KIF26B: variants seen among roughly 807,000 people sequenced by gnomAD.
The protein encoded by KIF26B is kinesin family member 26B.
In KIF26B, 63 loss-of-function variants were observed where a neutral mutation model predicts 151.2. The ratio of observed to expected loss-of-function variants is 0.42; its 90% confidence interval spans 0.34 to 0.51. The LOEUF is 0.51. KIF26B is among the 20% of genes least tolerant of loss of function. KIF26B has a pLI of 0.07. For synonymous variants in KIF26B, 1,357 were observed against 1,262.1 expected (o/e 1.08, Z -1.59); for missense variants, 2,813 against 2,913.6 (o/e 0.97, Z 0.79).
intron 14 of KIF26B, among the ~76,000 whole-genome samples, chr1:245,700,980 C>T (rs892349373): frequency 6.6e-6 from 1 of 152,222 alleles, no homozygotes; most frequent in African/African-American, 2.4e-5. Context: ...ATTTTATTTT[C>T]AAGAACTGTT....
At position 245,698,819 on chromosome 1, in the gene KIF26B, C is replaced by T. The variant is rs189149592; in HGVS notation, c.6028-68C>T. On this transcript the variant is annotated intron_variant, in intron 13 of 14. Coordinates refer to ENST00000407071, the MANE Select transcript of KIF26B (RefSeq NM_018012.4). This position sits in a 1 kb window ranked among gnomAD's most constrained non-coding sequence, Gnocchi z 4.0. ...GCCTGTTTTCCATCAACGATACTCA[C>T]AGGTGCTCCTGTGGTGTGGGCTGGG... is the stretch of plus-strand genomic sequence containing the variant. 8.5e-5 allele frequency: 131 copies of T among 1,548,638 alleles called. No homozygotes were observed. In the African/African-American group the frequency reaches 1.5e-3, roughly 17 times the overall value.
chr1:245,239,124 T>C lies in KIF26B; in HGVS notation c.465+82441T>C, dbSNP rs1341763342. Among the ~76,000 whole-genome samples, 2 of 152,100 alleles carry C rather than the reference T, an allele frequency of 1.3e-5. No individual in the cohort carries two copies. The highest frequency in any genetic ancestry group is 1.3e-4 in the Admixed American group (2 of 15,260). On this transcript the variant is annotated intron_variant, in intron 2 of 14. Transcript: ENST00000407071. The surrounding 1 kb of genome is among the most constrained non-coding windows in gnomAD (Gnocchi z 4.3). The stretch of plus-strand genomic sequence containing the variant: ...CAGCCCATTCATTTTACTTCCCCTC[T>C]CAGAATGGCCTGTGTAGTGGGAGGC...
In KIF26B at chr1:245,366,838, C is replaced by G. The variant is rs558481289; in HGVS notation, c.470C>G (p.Pro157Arg). The G allele has an allele frequency of 6.2e-7, 1 of 1,613,818 alleles. No individual in the cohort carries two copies. Among genetic ancestry groups the G allele is most frequent in the African/African-American group, 1.3e-5 (1 of 75,038 alleles). ...CTCTGCTTCTGTGTTCTGTAGGACC[C>G]TGCTTTCTCGGCTGTGATTCACGAC... ...LLPGPFPGKDPAFSAVIHDKL... is the reference protein window; with the variant it reads ...LLPGPFPGKDRAFSAVIHDKL... The change falls in exon 3 of 15, where the codon CCT becomes CGT. Residue 157 changes from proline (P) to arginine (R), a missense_variant. Coordinates refer to ENST00000407071, the MANE Select transcript of KIF26B (RefSeq NM_018012.4).
chr1:245,645,946 C>T, intron 9 of KIF26B, 175 bp from the exon 10 acceptor site: 1 of 612,758 alleles, frequency 1.6e-6, no homozygotes, highest in East Asian at 2.8e-5. Flanking sequence ...TTAAGAGGAC[C>T]AATGCTATTT....
chr1:245,688,035 GGC>G lies in KIF26B; in HGVS notation c.5053_5054del (p.Ala1685ArgfsTer303). 1.9e-6 allele frequency: 3 copies of G among 1,556,948 alleles called. No homozygotes were observed. Among genetic ancestry groups the G allele is most frequent in the Non-Finnish European group, 2.6e-6 (3 of 1,151,204 alleles). On this transcript the variant is annotated frameshift_variant, in exon 12 of 15. Coordinates refer to ENST00000407071, the MANE Select transcript of KIF26B (RefSeq NM_018012.4). LOFTEE classifies it high-confidence loss of function. ...ACTACGAATGCCTCTCCCTGGAGCGGGCCGAGAGCCTGTCCTCCGTGAGCTCC... is the reference window on the plus strand; with the variant it reads ...ACTACGAATGCCTCTCCCTGGAGCGGCGAGAGCCTGTCCTCCGTGAGCTCC... The part of the protein sequence containing the change: ...SHYECLSLER[A>X]ESLSSVSSRL...
intron 2 of KIF26B, among the ~76,000 whole-genome samples, chr1:245,196,540 C>G (rs998739635): frequency 2.0e-5 from 3 of 152,200 alleles, no homozygotes; most frequent in African/African-American, 7.2e-5. Flanking sequence ...TGACTGTGCT[C>G]CAGGCACCAC....
intron 9 of KIF26B, among the ~76,000 whole-genome samples, chr1:245,633,644 C>T (rs192740037): frequency 2.1e-3 from 326 of 152,014 alleles, no homozygotes; most frequent in Middle Eastern, 6.8e-3. Flanking sequence ...GGTGAATTCC[C>T]TCCATTTTTT....
chr1:245,386,240 C>CA (rs1429103610), intron 3 of KIF26B, among the ~76,000 whole-genome samples: 16 of 146,660 alleles, frequency 1.1e-4, no homozygotes, highest in African/African-American at 3.3e-4. Flanking sequence ...GACTGTGTCT[C>CA]AAAAAAAAGA....
intron 5 of KIF26B, among the ~76,000 whole-genome samples, chr1:245,566,143 A>G (rs2043008188): frequency 6.6e-6 from 1 of 152,220 alleles, no homozygotes; most frequent in African/African-American, 2.4e-5. Flanking sequence ...TTACATTTCA[A>G]CATGAGATTT....
At chr1:245,254,612 T>A (rs1573735708) in intron 2 of KIF26B, among the ~76,000 whole-genome samples, 2 of 152,178 alleles carry the variant, frequency 1.3e-5, no homozygotes, top group Non-Finnish European at 2.9e-5. Context: ...GAATGGCAGG[T>A]TCTTAGTTCT....
At chr1:245,489,554 C>T (rs1249997137) in intron 4 of KIF26B, among the ~76,000 whole-genome samples, 1 of 152,220 alleles carries the variant, frequency 6.6e-6, no homozygotes, top group East Asian at 1.9e-4. Context: ...AAACACAGCA[C>T]TGCCTTTTTC....
At chr1:245,237,306 C>T (rs1051113295) in intron 2 of KIF26B, among the ~76,000 whole-genome samples, 1 of 152,190 alleles carries the variant, frequency 6.6e-6, no homozygotes, top group African/African-American at 2.4e-5. Context: ...TTTAACCTCC[C>T]TTCTCTCTGG....
intron 4 of KIF26B, among the ~76,000 whole-genome samples, chr1:245,497,891 G>GCC (rs1660543960): frequency 1.3e-5 from 2 of 152,254 alleles, no homozygotes; most frequent in South Asian, 4.1e-4. Context: ...TTACAGGCAT[G>GCC]TGCCACCACA....
At chr1:245,496,829 A>G (rs1164663230) in intron 4 of KIF26B, among the ~76,000 whole-genome samples, 6 of 152,130 alleles carry the variant, frequency 3.9e-5, no homozygotes, top group African/African-American at 1.4e-4. Context: ...AAGGACAAAA[A>G]GAAGTTGAAG....
intron 2 of KIF26B, among the ~76,000 whole-genome samples, chr1:245,311,388 C>G (rs1671663388): frequency 6.6e-6 from 1 of 152,078 alleles, no homozygotes; most frequent in Non-Finnish European, 1.5e-5. Flanking sequence ...TGTTACACAG[C>G]TTTCAGGCTG....
intron 2 of KIF26B, among the ~76,000 whole-genome samples, chr1:245,305,936 CAAAAAAAAAA>C (rs55865379): frequency 2.3e-5 from 2 of 86,690 alleles, no homozygotes; most frequent in South Asian, 4.6e-4. Flanking sequence ...GACGACTCCT[CAAAAAAAAAA>C]AAAAAAAAAA....
intron 2 of KIF26B, among the ~76,000 whole-genome samples, chr1:245,205,688 C>G (rs186168964): frequency 6.7e-6 from 1 of 148,252 alleles, no homozygotes; most frequent in Admixed American, 6.9e-5. Flanking sequence ...TCCTGAGGAA[C>G]GTTTTCTTTT....
chr1:245,423,203 A>G (rs1221822163), intron 4 of KIF26B, among the ~76,000 whole-genome samples: 5 of 152,168 alleles, frequency 3.3e-5, no homozygotes, highest in African/African-American at 1.2e-4. Context: ...TTTGTGGCCA[A>G]TGTGGCTGAC....
At chr1:245,312,174 T>TG (rs35224980) in intron 2 of KIF26B, among the ~76,000 whole-genome samples, 90,533 of 151,850 alleles carry the variant, frequency 0.6, 27,455 homozygotes, top group East Asian at 0.76. Context: ...GCCCCTTGCT[T>TG]GTGCCACCTC....
Sources: allele counts gnomAD v4.1 joint callset (sites outside exome capture counted in the v4.1 genomes callset), GRCh38; gene constraint gnomAD v4.1.1; non-coding constraint Gnocchi (gnomAD v3.1); transcripts MANE v1.5; gene names NCBI Gene and HGNC (gene_info 2026-07-23, HGNC 2026-07-21).